MMADHC: variants seen among roughly 807,000 people sequenced by gnomAD.
MMADHC encodes the protein cobalamin trafficking protein CblD.
A neutral mutation model predicts 36.3 loss-of-function variants in MMADHC; 23 were observed. The ratio of observed to expected loss-of-function variants is 0.63; its 90% confidence interval spans 0.46 to 0.90. The LOEUF (loss-of-function observed/expected upper bound fraction) is 0.90. Ranked by LOEUF, MMADHC falls within the 40% of genes least tolerant of loss-of-function variation. MMADHC has a pLI of 0.00. For synonymous variants in MMADHC, 97 were observed against 116.1 expected (o/e 0.84, Z 1.06); for missense variants, 330 against 348.0 (o/e 0.95, Z 0.41).
intron 2 of MMADHC, among the ~76,000 whole-genome samples, chr2:149,585,141 G>C (rs1055582798): frequency 5.9e-5 from 9 of 151,800 alleles, no homozygotes; most frequent in Admixed American, 6.6e-5. Context: ...CAGATTTTAT[G>C]ACTGGTTCAG....
chr2:149,574,227 G>A (rs1682682893), intron 6 of MMADHC, among the ~76,000 whole-genome samples: 1 of 151,966 alleles, frequency 6.6e-6, no homozygotes, highest in Admixed American at 6.6e-5. Context: ...CAATATACTA[G>A]CACTTCAATG....
chr2:149,575,926 T>C lies in MMADHC; in HGVS notation c.479-85A>G, dbSNP rs1406289741. The C allele has an allele frequency of 9.3e-6, 10 of 1,072,838 alleles. No homozygotes were observed. In the East Asian group the frequency reaches 1.8e-4, roughly 20 times the overall value. 66.5% of individuals were successfully genotyped at this position (1,072,838 alleles called of 1,614,324 possible). A position where few individuals can be genotyped will look rare whatever the true frequency, so the allele number is the denominator to read the frequency against. ...TTAAAGAAGGATAAAAGTACTTCTT[T>C]AGAAAAATGCTGATTAAGTAAAATT... is the stretch of plus-strand genomic sequence containing the variant. On this transcript the variant is annotated intron_variant, in intron 5 of 7. Coordinates refer to ENST00000303319, the MANE Select transcript of MMADHC (RefSeq NM_015702.3).
chr2:149,576,388 A>C lies in MMADHC; in HGVS notation c.478+49T>G, dbSNP rs140719160. On this transcript the variant is annotated intron_variant, in intron 5 of 7. Coordinates refer to ENST00000303319, the MANE Select transcript of MMADHC (RefSeq NM_015702.3). ...ATTTCTATAGAGTACATTATTCAACATATTAAAAAAATTAGTAACAGTGTT... is the reference window on the plus strand; with the variant it reads ...ATTTCTATAGAGTACATTATTCAACCTATTAAAAAAATTAGTAACAGTGTT... The C allele has an allele frequency of 1.2e-4, 150 of 1,228,174 alleles. 1 individual carries two copies. In the African/African-American group the frequency reaches 1.8e-3, roughly 15 times the overall value. 76.1% of individuals were successfully genotyped at this position (1,228,174 alleles called of 1,614,324 possible).
chr2:149,587,055 T>C (rs1323157618), intron 2 of MMADHC, 34 bp downstream of exon 2: 16 of 1,608,508 alleles, frequency 9.9e-6, no homozygotes, highest in African/African-American at 1.3e-5. Flanking sequence ...CAAACGAGTT[T>C]ACTATGCTGA....
chr2:149,572,479 A>G (rs923511282), intron 6 of MMADHC: 7 of 198,678 alleles, frequency 3.5e-5, no homozygotes, highest in South Asian at 3.4e-4. Context: ...CAGGTGAGAC[A>G]AGACTATAAT....
chr2:149,576,468 T>C lies in MMADHC; in HGVS notation c.447A>G (p.Ala149=). Residue 149 remains alanine (A), a synonymous_variant, in exon 5 of 8, where the codon GCA becomes GCG. Transcript: ENST00000303319. ...GCAGCAATTCTGGACATGTCTGTAT[T>C]GCACACTCTACTCTGGCACTTTCAA... ...TYFESARVEC[A]IQTCPELLRK... 6.2e-7 allele frequency: 1 copy of C among 1,613,384 alleles called. No individual in the cohort carries two copies. The highest frequency in any genetic ancestry group is 8.5e-7 in the Non-Finnish European group (1 of 1,179,400).
At position 149,570,174 on chromosome 2, in the gene MMADHC, G is replaced by GAAATAAAAACGAAAT; in HGVS notation, c.697-21_697-7dup. 2 of 1,609,626 alleles carry GAAATAAAAACGAAAT rather than the reference G, an allele frequency of 1.2e-6. No homozygotes were observed. The highest frequency in any genetic ancestry group is 4.5e-5 in the East Asian group (2 of 44,750). On this transcript the variant is annotated splice_region_variant and splice_polypyrimidine_tract_variant and intron_variant, in intron 7 of 7. Transcript: ENST00000303319. ...TTTGTATATGGTCCAAAAAACTGAG[G>GAAATAAAAACGAAAT]AAATAAAAACGAAATATTCTCATTA...
chr2:149,585,510 G>A (rs781408638), intron 2 of MMADHC, among the ~76,000 whole-genome samples: 31 of 152,282 alleles, frequency 2.0e-4, no homozygotes, highest in South Asian at 6.2e-4. Flanking sequence ...TTGAGAAATC[G>A]CAATATTTAC....
rs1377087709 is a variant in MMADHC at position 149,582,855 on chromosome 2, TATCTTTCATTCATAAATTTTTTAACA to T, written c.10-610_10-585del. On this transcript the variant is annotated intron_variant, in intron 2 of 7. Transcript: ENST00000303319. ...GTATTACAATGGATGAATGTGTAAA[TATCTTTCATTCATAAATTTTTTAACA>T]ATCTTTCATTCATAAATTTTTTAAC... is the stretch of plus-strand genomic sequence containing the variant. Among the ~76,000 whole-genome samples, 187 of 152,338 alleles carry T rather than the reference TATCTTTCATTCATAAATTTTTTAACA, an allele frequency of 1.2e-3. 1 individual carries two copies. Among genetic ancestry groups the T allele is most frequent in the African/African-American group, 4.3e-3 (177 of 41,580 alleles).
chr2:149,580,156 C>T (rs1682774973), intron 3 of MMADHC, among the ~76,000 whole-genome samples: 1 of 152,160 alleles, frequency 6.6e-6, no homozygotes, highest in South Asian at 2.1e-4. Context: ...CTGGTGCACA[C>T]CACTATGCCC....
chr2:149,582,399 C>T, intron 2 of MMADHC, 128 bp from the exon 3 acceptor site: 1 of 808,380 alleles, frequency 1.2e-6, no homozygotes, highest in Non-Finnish European at 2.1e-6. Context: ...TTTTACTGAA[C>T]ACCTACTATA....
Position 149,587,107 on chromosome 2 carries a change from A to C in MMADHC, c.-10T>G. 5 of 1,613,860 alleles carry C rather than the reference A, an allele frequency of 3.1e-6. No individual in the cohort carries two copies. The East Asian group carries it at 8.9e-5, about 29-fold the overall frequency. On this transcript the variant is annotated 5_prime_UTR_variant, in exon 2 of 8. Transcript: ENST00000303319. The stretch of plus-strand genomic sequence containing the variant: ...TACTCACATTGGCCATCTCCGCTGG[A>C]GAAGATAGTTCGCAAAATAGCTTTC...
intron 2 of MMADHC, among the ~76,000 whole-genome samples, chr2:149,583,704 C>T (rs544779274): frequency 9.9e-5 from 15 of 152,236 alleles, no homozygotes; most frequent in Admixed American, 9.8e-4. Flanking sequence ...TCACAAAGTA[C>T]AGTATTCTAA....
chr2:149,578,187 A>G (rs1682743723), intron 4 of MMADHC, among the ~76,000 whole-genome samples: 1 of 152,194 alleles, frequency 6.6e-6, no homozygotes, highest in Non-Finnish European at 1.5e-5. Context: ...AAATCCAGGT[A>G]AGACAAAGAG....
chr2:149,580,571 G>C (rs1464386222), intron 3 of MMADHC, among the ~76,000 whole-genome samples: 1 of 152,188 alleles, frequency 6.6e-6, no homozygotes, highest in Admixed American at 6.5e-5. Flanking sequence ...TGGGCTTAGA[G>C]AAACAGAGGG....
chr2:149,571,252 T>A, intron 6 of MMADHC, 81 bp from the exon 7 acceptor site: 1 of 892,166 alleles, frequency 1.1e-6, no homozygotes. Context: ...TTTAAGTGAC[T>A]ATCTTGTTTC....
At position 149,576,484 on chromosome 2, in the gene MMADHC, G is replaced by T; in HGVS notation, c.431C>A (p.Ala144Asp). 2 of 1,613,566 alleles carry T rather than the reference G, an allele frequency of 1.2e-6. No individual in the cohort carries two copies. Among genetic ancestry groups the T allele is most frequent in the East Asian group, 4.5e-5 (2 of 44,810 alleles). Residue 144 changes from alanine to aspartate, a missense_variant, in exon 5 of 8, where the codon GCC (alanine) becomes GAC (aspartate). Physicochemically the swap from Ala to Asp is moderately radical, Grantham distance 126. Coordinates refer to ENST00000303319, the MANE Select transcript of MMADHC (RefSeq NM_015702.3). Reference sequence around the variant, plus strand: ...TGTCTGTATTGCACACTCTACTCTGGCACTTTCAAAGTAAGTTTCTGCACT... The same window carrying T: ...TGTCTGTATTGCACACTCTACTCTGTCACTTTCAAAGTAAGTTTCTGCACT... ...INSAETYFES[A>D]RVECAIQTCP...
In MMADHC at chr2:149,587,090, T is replaced by C. The variant is rs529455427; in HGVS notation, c.8A>G (p.Asn3Ser). Residue 3 changes from asparagine (N) to serine (S), a missense_variant and splice_region_variant, in exon 2 of 8, where the codon AAT (asparagine) becomes AGT (serine). By Grantham distance (46) the Asn-to-Ser change is conservative. Coordinates refer to ENST00000303319, the MANE Select transcript of MMADHC (RefSeq NM_015702.3). ...ATTCTTAAGAGATAATTTACTCACATTGGCCATCTCCGCTGGAGAAGATAG... is the reference window on the plus strand; with the variant it reads ...ATTCTTAAGAGATAATTTACTCACACTGGCCATCTCCGCTGGAGAAGATAG... MA[N>S]VLCNRARLVS... is the part of the protein sequence containing the mutation. 1.4e-5 allele frequency: 23 copies of C among 1,613,918 alleles called. No individual in the cohort carries two copies. Among genetic ancestry groups the C allele is most frequent in the African/African-American group, 2.7e-5 (2 of 75,068 alleles).
At chr2:149,576,920 T>C (rs1682726827) in intron 4 of MMADHC, among the ~76,000 whole-genome samples, 1 of 152,204 alleles carries the variant, frequency 6.6e-6, no homozygotes, top group Non-Finnish European at 1.5e-5. Context: ...GGGATAATGA[T>C]ACTAACTTAC....
Sources: gnomAD v4.1 joint callset for allele counts (sites outside exome capture counted in the v4.1 genomes callset) on GRCh38, gnomAD v4.1.1 for gene constraint, MANE v1.5 for transcripts, NCBI Gene and HGNC (gene_info 2026-07-23, HGNC 2026-07-21) for gene names.